ZNF197: variants seen among roughly 807,000 people sequenced by gnomAD.
ZNF197 encodes the protein zinc finger protein 197.
ZNF197 carries 14 observed loss-of-function variants against 27.4 expected under a neutral mutation model. That is an observed-to-expected ratio of 0.51 (90% CI 0.34 to 0.80). The LOEUF (loss-of-function observed/expected upper bound fraction) is 0.80, where lower values mean the gene tolerates loss of function less well. Ranked by LOEUF, ZNF197 falls within the 30% of genes least tolerant of loss-of-function variation. The pLI, the probability that ZNF197 is intolerant of heterozygous loss-of-function variation, is 0.02. For missense variants in ZNF197, 1,090 were observed against 1,222.6 expected, an observed-to-expected ratio of 0.89 and a Z score of 1.62; for synonymous variants, 415 against 420.0, an observed-to-expected ratio of 0.99 and a Z score of 0.15.
chr3:44,639,501 C>T (rs1299337068), intron 5 of ZNF197, among the ~76,000 whole-genome samples: 2 of 149,246 alleles, frequency 1.3e-5, no homozygotes, highest in Non-Finnish European at 1.5e-5. Context: ...GATTCAATTT[C>T]TTTCCCTGTT....
At position 44,646,944 on chromosome 3, in the gene ZNF197, A is replaced by G. The variant is rs1214055252; in HGVS notation, c.*2724A>G. The G allele has an allele frequency of 1.3e-5, 2 of 155,398 alleles. No individual in the cohort carries two copies. The highest frequency in any genetic ancestry group is 4.8e-5 in the African/African-American group (2 of 41,620). 9.6% of individuals were successfully genotyped at this position (155,398 alleles called of 1,614,324 possible). On this transcript the variant is annotated 3_prime_UTR_variant, in exon 6 of 6. Transcript: ENST00000344387. ...ACCTAGGACTGAGCTAAGAAGGCTC[A>G]GATGACTCAAAAGCATGCTCCTTAG...
At chr3:44,634,570 C>G (rs1702178868) in intron 5 of ZNF197, among the ~76,000 whole-genome samples, 1 of 152,092 alleles carries the variant, frequency 6.6e-6, no homozygotes, top group Non-Finnish European at 1.5e-5. Context: ...CTGCCTCAGC[C>G]TCCCAAGTAG....
Position 44,642,199 on chromosome 3 carries a change from A to G in ZNF197, c.1069A>G (p.Ile357Val), listed in dbSNP as rs145123952. ...AGACAGCTTGACTTTCGGTTCAGCT[A>G]TTTCTGAAAGTTTAATAGGTACTGA... Reference protein sequence around the residue: ...LGDSLTFGSAISESLIGTEGK... With the variant: ...LGDSLTFGSAVSESLIGTEGK... Residue 357 changes from isoleucine to valine, a missense_variant, in exon 6 of 6, where the codon ATT (isoleucine) becomes GTT (valine). By Grantham distance (29) the Ile-to-Val change is conservative. Coordinates refer to ENST00000344387, the MANE Select transcript of ZNF197 (RefSeq NM_006991.5). The G allele has an allele frequency of 2.4e-5, 39 of 1,614,060 alleles. No homozygotes were observed. Among genetic ancestry groups the G allele is most frequent in the Non-Finnish European group, 3.1e-5 (37 of 1,180,018 alleles).
intron 5 of ZNF197, among the ~76,000 whole-genome samples, chr3:44,632,819 AGTGT>A (rs111907137): frequency 1.3e-4 from 20 of 150,572 alleles, no homozygotes; most frequent in African/African-American, 4.4e-4. Context: ...ATTGTTCCAA[AGTGT>A]GTGTGTGTGT....
intron 5 of ZNF197, among the ~76,000 whole-genome samples, chr3:44,633,311 AC>A (rs1424852391): frequency 6.6e-6 from 1 of 152,234 alleles, no homozygotes; most frequent in African/African-American, 2.4e-5. Context: ...GACATTAAAT[AC>A]CTATCATGGT....
rs1467352544 is a variant in ZNF197 at position 44,648,366 on chromosome 3, AT to A, written c.*4147del. ...TGAGAGATCAGGCAAACATAGCAAA[AT>A]GTTCATTGTTGAGTCCACATGGAAA... On this transcript the variant is annotated 3_prime_UTR_variant, in exon 6 of 6. Coordinates refer to ENST00000344387, the MANE Select transcript of ZNF197 (RefSeq NM_006991.5). 1.3e-5 allele frequency: 2 copies of A among 152,246 alleles called. No individual in the cohort carries two copies. The highest frequency in any genetic ancestry group is 4.8e-5 in the African/African-American group (2 of 41,466). The allele number at this position is 152,246 out of a possible 1,614,324, so 9.4% of individuals were successfully genotyped here. A position where few individuals can be genotyped will look rare whatever the true frequency, so the allele number is the denominator to read the frequency against.
chr3:44,644,937 C>T lies in ZNF197; in HGVS notation c.*717C>T. Reference sequence around the variant, plus strand: ...TGTTTTTTAAAATGTGTATAGTATGCATTTTAAAGATAGTGTCACTGCTGT... The same window carrying T: ...TGTTTTTTAAAATGTGTATAGTATGTATTTTAAAGATAGTGTCACTGCTGT... On this transcript the variant is annotated 3_prime_UTR_variant, in exon 6 of 6. Transcript: ENST00000344387. The T allele has an allele frequency of 1.0e-6, 1 of 985,128 alleles. No homozygotes were observed. Among genetic ancestry groups the T allele is most frequent in the Non-Finnish European group, 1.2e-6 (1 of 829,698 alleles). 61.0% of individuals were successfully genotyped at this position (985,128 alleles called of 1,614,324 possible). A position where few individuals can be genotyped will look rare whatever the true frequency, so the allele number is the denominator to read the frequency against.
intron 1 of ZNF197, among the ~76,000 whole-genome samples, chr3:44,625,674 CT>C (rs1559458422): frequency 6.6e-6 from 1 of 152,104 alleles, no homozygotes; most frequent in African/African-American, 2.4e-5. Flanking sequence ...ACCAACATTA[CT>C]TCAGGCAATA....
At chr3:44,629,011 G>A (rs1701825143) in intron 1 of ZNF197, 63 bp from the exon 2 acceptor site, 6 of 1,258,930 alleles carry the variant, frequency 4.8e-6, no homozygotes, top group Non-Finnish European at 6.6e-6. Context: ...AGCTGACTGG[G>A]GCCTGGAAAG....
At position 44,646,042 on chromosome 3, in the gene ZNF197, A is replaced by G. The variant is rs1207065216; in HGVS notation, c.*1822A>G. 25 of 985,130 alleles carry G rather than the reference A, an allele frequency of 2.5e-5. No homozygotes were observed. Among genetic ancestry groups the G allele is most frequent in the Non-Finnish European group, 3.0e-5 (25 of 829,904 alleles). The allele number at this position is 985,130 out of a possible 1,614,324, so 61.0% of individuals were successfully genotyped here. ...GATTATCATAAATGTTATTAATTCA[A>G]CCCCACAGTTTCTTGGGGGCTGGTT... On this transcript the variant is annotated 3_prime_UTR_variant, in exon 6 of 6. Transcript: ENST00000344387.
intron 3 of ZNF197, among the ~76,000 whole-genome samples, chr3:44,631,707 G>GT (rs557334335): frequency 0.13 from 17,388 of 133,224 alleles, 1,094 homozygotes; most frequent in Middle Eastern, 0.27. Flanking sequence ...GGCCATTTTT[G>GT]TTTTTTTTTT....
At position 44,643,823 on chromosome 3, in the gene ZNF197, G is replaced by A; in HGVS notation, c.2693G>A (p.Gly898Glu). ...ATGGTACATCAAAGAATCCATACTGGAGAGAAACCTTATAAATGTAATGAG... is the reference window on the plus strand; with the variant it reads ...ATGGTACATCAAAGAATCCATACTGAAGAGAAACCTTATAAATGTAATGAG... ...NLMVHQRIHT[G>E]EKPYKCNECG... The change falls in exon 6 of 6, where the codon GGA (glycine) becomes GAA (glutamate). Residue 898 changes from glycine (G) to glutamate (E), a missense_variant. By Grantham distance (98) the Gly-to-Glu change is moderately conservative. Transcript: ENST00000344387. 1 of 1,613,890 alleles carries A rather than the reference G, an allele frequency of 6.2e-7. No homozygotes were observed. The highest frequency in any genetic ancestry group is 2.2e-5 in the East Asian group (1 of 44,876).
rs1373327625 is a variant in ZNF197 at position 44,647,275 on chromosome 3, A to G, written c.*3055A>G. 6.6e-6 allele frequency: 1 copy of G among 150,928 alleles called. No homozygotes were observed. The highest frequency in any genetic ancestry group is 2.4e-5 in the African/African-American group (1 of 40,882). 9.3% of individuals were successfully genotyped at this position (150,928 alleles called of 1,614,324 possible). A position where few individuals can be genotyped will look rare whatever the true frequency, so the allele number is the denominator to read the frequency against. ...GTAAAATCGTGAGATATCACCTATC[A>G]GAATAGCTTAACTTTTTTTTTTTAA... On this transcript the variant is annotated 3_prime_UTR_variant, in exon 6 of 6. Transcript: ENST00000344387.
rs372231611 is a variant in ZNF197, at chr3:44,629,485, G to A, written c.331G>A (p.Glu111Lys). The part of the protein sequence containing the change: ...WVQLHHPGSG[E>K]EAVALVEELQ... ...ACAGCTCCATCACCCTGGAAGTGGC[G>A]AGGAGGCTGTGGCCCTGGTAGAGGA... The change falls in exon 2 of 6, where the codon GAG becomes AAG. Residue 111 changes from glutamate (E) to lysine (K), a missense_variant. Coordinates refer to ENST00000344387, the MANE Select transcript of ZNF197 (RefSeq NM_006991.5). The A allele has an allele frequency of 1.1e-5, 17 of 1,604,218 alleles. No individual in the cohort carries two copies. Among genetic ancestry groups the A allele is most frequent in the African/African-American group, 4.0e-5 (3 of 74,584 alleles).
At chr3:44,625,545 A>AT (rs531274203) in intron 1 of ZNF197, among the ~76,000 whole-genome samples, 6 of 151,864 alleles carry the variant, frequency 4.0e-5, no homozygotes, top group Non-Finnish European at 8.8e-5. Flanking sequence ...TTGAGGACGG[A>AT]TTTTTTTGTT....
At chr3:44,635,336 A>T (rs186075909) in intron 5 of ZNF197, among the ~76,000 whole-genome samples, 1 of 152,318 alleles carries the variant, frequency 6.6e-6, no homozygotes, top group East Asian at 1.9e-4. Flanking sequence ...TTGACTTAGT[A>T]ACTCTGATTT....
At position 44,643,419 on chromosome 3, in the gene ZNF197, A is replaced by G. The variant is rs1319771584; in HGVS notation, c.2289A>G (p.Glu763=). Residue 763 remains glutamate, a synonymous_variant, in exon 6 of 6, where the codon GAA becomes GAG. Transcript: ENST00000344387. ...RRIHTGEKPF[E]CSECGRAFSS... ...TCCACACCGGAGAAAAACCCTTTGAATGCAGTGAGTGTGGAAGAGCTTTCA... is the reference window on the plus strand; with the variant it reads ...TCCACACCGGAGAAAAACCCTTTGAGTGCAGTGAGTGTGGAAGAGCTTTCA... 6.2e-7 allele frequency: 1 copy of G among 1,614,218 alleles called. No homozygotes were observed.
chr3:44,636,534 C>T (rs1702299731), intron 5 of ZNF197, among the ~76,000 whole-genome samples: 2 of 152,198 alleles, frequency 1.3e-5, no homozygotes, highest in South Asian at 4.1e-4. Flanking sequence ...TTCTAAGGCT[C>T]ATCCATGTTG....
Position 44,643,920 on chromosome 3 carries a change from TGA to T in ZNF197, c.2792_2793del (p.Glu931ValfsTer2). The T allele has an allele frequency of 6.2e-7, 1 of 1,614,088 alleles. No homozygotes were observed. The highest frequency in any genetic ancestry group is 8.5e-7 in the Non-Finnish European group (1 of 1,180,006). ...GAATGCACACTGGGGAAAAACCTTA[TGA>T]GTGTGACAAGTGTAGGAAATCCTTT... ...QRMHTGEKPY[E>X]CDKCRKSFTS... On this transcript the variant is annotated frameshift_variant, in exon 6 of 6. Coordinates refer to ENST00000344387, the MANE Select transcript of ZNF197 (RefSeq NM_006991.5). LOFTEE classifies it low-confidence loss of function (END_TRUNC).
Sources: gnomAD v4.1 joint callset for allele counts (sites outside exome capture counted in the v4.1 genomes callset) on GRCh38, gnomAD v4.1.1 for gene constraint, MANE v1.5 for transcripts, NCBI Gene and HGNC (gene_info 2026-07-23, HGNC 2026-07-21) for gene names.